ZDHHC16: variants seen among roughly 807,000 people sequenced by gnomAD.
ZDHHC16 encodes palmitoyltransferase ZDHHC16.
A neutral mutation model predicts 54.4 loss-of-function variants in ZDHHC16; 33 were observed. That is an observed-to-expected ratio of 0.61 (90% CI 0.46 to 0.81). The LOEUF (loss-of-function observed/expected upper bound fraction) is 0.81, where lower values mean the gene tolerates loss of function less well. Ranked by LOEUF, ZDHHC16 falls within the 30% of genes least tolerant of loss-of-function variation. The pLI, the probability that ZDHHC16 is intolerant of heterozygous loss-of-function variation, is 0.00. For missense variants in ZDHHC16, 420 were observed against 485.9 expected, an observed-to-expected ratio of 0.86 and a Z score of 1.28; for synonymous variants, 185 against 182.1, an observed-to-expected ratio of 1.02 and a Z score of -0.13.
At chr10:97,454,339 C>T (rs575912054) in intron 8 of ZDHHC16, among the ~76,000 whole-genome samples, 6 of 152,256 alleles carry the variant, frequency 3.9e-5, no homozygotes, top group African/African-American at 7.2e-5. Flanking sequence ...AGTGGTTTTC[C>T]CCACTCCAGT....
chr10:97,456,065 T>C (rs1359262985), intron 11 of ZDHHC16, 21 bp downstream of exon 11: 1 of 1,612,024 alleles, frequency 6.2e-7, no homozygotes, highest in African/African-American at 1.3e-5. Flanking sequence ...ACACACAGAC[T>C]AATGCTGTCC....
At chr10:97,446,425 TTG>T (rs1487099958) in intron 1 of ZDHHC16, 72 bp downstream of exon 1, 1 of 220,154 alleles carries the variant, frequency 4.5e-6, no homozygotes, top group East Asian at 1.3e-4. Flanking sequence ...CCCTGGGGCC[TTG>T]TCTTGAGTGC....
In ZDHHC16 at chr10:97,453,859, C is replaced by T. The variant is rs1423991940; in HGVS notation, c.738+13C>T. On this transcript the variant is annotated intron_variant, in intron 8 of 11. Coordinates refer to ENST00000393760, the MANE Select transcript of ZDHHC16 (RefSeq NM_198046.3). ...GGTTGCCAACCAGGTGGGCTGTCCCCACCCCACTGCCTCCTGCTGCTCAGG... is the reference window on the plus strand; with the variant it reads ...GGTTGCCAACCAGGTGGGCTGTCCCTACCCCACTGCCTCCTGCTGCTCAGG... 3.7e-6 allele frequency: 6 copies of T among 1,614,160 alleles called. No individual in the cohort carries two copies. The highest frequency in any genetic ancestry group is 1.1e-5 in the South Asian group (1 of 91,080).
intron 1 of ZDHHC16, among the ~76,000 whole-genome samples, chr10:97,449,469 A>T (rs1201463026): frequency 6.6e-6 from 1 of 152,162 alleles, no homozygotes; most frequent in Non-Finnish European, 1.5e-5. Flanking sequence ...CTACTATTTT[A>T]AAAATTCATG....
intron 6 of ZDHHC16, among the ~76,000 whole-genome samples, chr10:97,453,213 G>A (rs1444264561): frequency 6.6e-6 from 1 of 152,180 alleles, no homozygotes; most frequent in African/African-American, 2.4e-5. Context: ...AGATAGAACC[G>A]TGGGTCTCCA....
intron 9 of ZDHHC16, 36 bp downstream of exon 9, chr10:97,454,835 T>G (rs754591978): frequency 6.2e-7 from 1 of 1,606,398 alleles, no homozygotes; most frequent in Non-Finnish European, 8.5e-7. Flanking sequence ...GAGGGGAAGC[T>G]TCAGAAAAAA....
At position 97,453,850 on chromosome 10, in the gene ZDHHC16, G is replaced by C; in HGVS notation, c.738+4G>C. ...ACTACAGGCGGTTGCCAACCAGGTGGGCTGTCCCCACCCCACTGCCTCCTG... is the reference window on the plus strand; with the variant it reads ...ACTACAGGCGGTTGCCAACCAGGTGCGCTGTCCCCACCCCACTGCCTCCTG... On this transcript the variant is annotated splice_donor_region_variant and intron_variant, in intron 8 of 11. Coordinates refer to ENST00000393760, the MANE Select transcript of ZDHHC16 (RefSeq NM_198046.3). 6.2e-7 allele frequency: 1 copy of C among 1,614,186 alleles called. No individual in the cohort carries two copies. The highest frequency in any genetic ancestry group is 1.3e-5 in the African/African-American group (1 of 75,054).
chr10:97,452,292 C>G lies in ZDHHC16; in HGVS notation c.438+8C>G. On this transcript the variant is annotated splice_region_variant and intron_variant, in intron 4 of 11. Transcript: ENST00000393760. ...CCTGGGTACCCACCCCAGGTGGGTC[C>G]TCACAGGAGCACTGGGGGAAGTTGC... 6.2e-7 allele frequency: 1 copy of G among 1,614,014 alleles called. No individual in the cohort carries two copies. Among genetic ancestry groups the G allele is most frequent in the Non-Finnish European group, 8.5e-7 (1 of 1,179,944 alleles).
intron 8 of ZDHHC16, among the ~76,000 whole-genome samples, chr10:97,454,298 T>TTCACAGTCCCTAGTGGAGC (rs903389067): frequency 2.8e-4 from 43 of 152,196 alleles, no homozygotes; most frequent in African/African-American, 9.9e-4. Context: ...CTGCTGCCCT[T>TTCACAGTCCCTAGTGGAGC]TCACAGTCCC....
In ZDHHC16 at chr10:97,451,834, C is replaced by G; in HGVS notation, c.159C>G (p.Ser53=). The G allele has an allele frequency of 1.2e-6, 2 of 1,614,240 alleles. No homozygotes were observed. The highest frequency in any genetic ancestry group is 1.1e-5 in the South Asian group (1 of 91,086). The change falls in exon 3 of 12, where the codon TCC becomes TCG. Residue 53 remains serine, a synonymous_variant. Coordinates refer to ENST00000393760, the MANE Select transcript of ZDHHC16 (RefSeq NM_198046.3). ...GCCTGCGCTCCCTGCTCTACAACTC[C>G]TTTGGGGGCAGTGACACCGCTGTTG... The part of the protein sequence containing the change: ...KVCLRSLLYN[S]FGGSDTAVDA...
chr10:97,453,997 G>T, intron 8 of ZDHHC16, 151 bp downstream of exon 8: 1 of 1,077,942 alleles, frequency 9.3e-7, no homozygotes, highest in South Asian at 1.6e-5. Flanking sequence ...GGCTGGCTGT[G>T]GTGGGTAGAC....
At chr10:97,453,714 A>T in intron 7 of ZDHHC16, 51 bp downstream of exon 7, 1 of 1,613,686 alleles carries the variant, frequency 6.2e-7, no homozygotes, top group Non-Finnish European at 8.5e-7. Context: ...TTCGGGATGT[A>T]GAACCTGTCC....
chr10:97,456,478 C>A, intron 11 of ZDHHC16: 1 of 309,006 alleles, frequency 3.2e-6, no homozygotes, highest in Non-Finnish European at 6.0e-6. Context: ...GTTACTGAGG[C>A]GGTAACAATC....
chr10:97,452,210 A>T lies in ZDHHC16; in HGVS notation c.364A>T (p.Ser122Cys). 6.2e-7 allele frequency: 1 copy of T among 1,614,000 alleles called. No homozygotes were observed. The highest frequency in any genetic ancestry group is 8.5e-7 in the Non-Finnish European group (1 of 1,180,004). ...ACGACTCTGCTGGCATTTCTTCTATAGCCACTGGAATCTGATCCTGATTGT... is the reference window on the plus strand; with the variant it reads ...ACGACTCTGCTGGCATTTCTTCTATTGCCACTGGAATCTGATCCTGATTGT... ...VPRLCWHFFY[S>C]HWNLILIVFH... Residue 122 changes from serine (S) to cysteine (C), a missense_variant, in exon 4 of 12, where the codon AGC becomes TGC. Coordinates refer to ENST00000393760, the MANE Select transcript of ZDHHC16 (RefSeq NM_198046.3).
In ZDHHC16 at chr10:97,454,808, T is replaced by G. The variant is rs1847006990; in HGVS notation, c.824+9T>G. On this transcript the variant is annotated intron_variant, in intron 9 of 11. Coordinates refer to ENST00000393760, the MANE Select transcript of ZDHHC16 (RefSeq NM_198046.3). Reference sequence around the variant, plus strand: ...CTCTGGTTCCTGTGCAGGTATTTGTTTTTGATAGTTTTAAGGGAGGGGAAG... The same window carrying G: ...CTCTGGTTCCTGTGCAGGTATTTGTGTTTGATAGTTTTAAGGGAGGGGAAG... 1.9e-6 allele frequency: 3 copies of G among 1,613,730 alleles called. No individual in the cohort carries two copies. The highest frequency in any genetic ancestry group is 2.5e-6 in the Non-Finnish European group (3 of 1,179,830).
At position 97,451,713 on chromosome 10, in the gene ZDHHC16, G is replaced by A. The variant is rs200877298; in HGVS notation, c.38G>A (p.Arg13His). 47 of 1,612,818 alleles carry A rather than the reference G, an allele frequency of 2.9e-5. No homozygotes were observed. The highest frequency in any genetic ancestry group is 1.9e-4 in the Middle Eastern group (1 of 5,222). ...GQRSLLLGPA[R>H]LCLRLLLLLG... The stretch of plus-strand genomic sequence containing the variant: ...CGGAGCCTGCTGCTGGGCCCGGCCC[G>A]CCTCTGCCTCCGCCTCCTTCTGCTG... Residue 13 changes from arginine to histidine, a missense_variant, in exon 3 of 12, where the codon CGC (arginine) becomes CAC (histidine). Arg to His is a conservative substitution (Grantham distance 29). Coordinates refer to ENST00000393760, the MANE Select transcript of ZDHHC16 (RefSeq NM_198046.3).
intron 1 of ZDHHC16, among the ~76,000 whole-genome samples, chr10:97,449,920 G>A (rs766484825): frequency 7.6e-6 from 1 of 130,762 alleles, no homozygotes; most frequent in Non-Finnish European, 1.5e-5. Context: ...GCCGGACTGC[G>A]GACTGCAGTG....
At position 97,453,948 on chromosome 10, in the gene ZDHHC16, C is replaced by T. The variant is rs539084687; in HGVS notation, c.738+102C>T. ...CTGCCCATGTAGTTGTAGAGGCTGC[C>T]GAGAGGCCACTCTAGACCAGATCAG... is the stretch of plus-strand genomic sequence containing the variant. On this transcript the variant is annotated intron_variant, in intron 8 of 11. Coordinates refer to ENST00000393760, the MANE Select transcript of ZDHHC16 (RefSeq NM_198046.3). The T allele has an allele frequency of 4.2e-5, 63 of 1,492,412 alleles. 1 individual carries two copies. The Admixed American group carries it at 7.1e-4, about 17-fold the overall frequency. 92.4% of individuals were successfully genotyped at this position (1,492,412 alleles called of 1,614,324 possible). A position where few individuals can be genotyped will look rare whatever the true frequency, so the allele number is the denominator to read the frequency against.
At chr10:97,446,976 A>T (rs541268904) in intron 1 of ZDHHC16, among the ~76,000 whole-genome samples, 2 of 152,252 alleles carry the variant, frequency 1.3e-5, no homozygotes, top group African/African-American at 4.8e-5. Context: ...TCCAAAGTGC[A>T]GGGAGTACAG....
Sources: gnomAD v4.1 joint callset for allele counts (sites outside exome capture counted in the v4.1 genomes callset) on GRCh38, gnomAD v4.1.1 for gene constraint, MANE v1.5 for transcripts, NCBI Gene and HGNC (gene_info 2026-07-23, HGNC 2026-07-21) for gene names.